ARHGAP32: variants seen among roughly 807,000 people sequenced by gnomAD.
The protein encoded by ARHGAP32 is rho GTPase-activating protein 32.
Under a neutral mutation model 186.5 loss-of-function variants are expected in ARHGAP32, and 51 were observed. The observed-to-expected ratio is 0.27, with a 90% CI of 0.22 to 0.35. ARHGAP32 has a LOEUF of 0.35. ARHGAP32 is among the 10% of genes least tolerant of loss of function. ARHGAP32 has a pLI of 1.00. For synonymous variants in ARHGAP32, 950 were observed against 964.3 expected, an observed-to-expected ratio of 0.99 and a Z score of 0.27; for missense variants, 2,186 against 2,623.5, an observed-to-expected ratio of 0.83 and a Z score of 3.64.
intron 11 of ARHGAP32, among the ~76,000 whole-genome samples, chr11:129,011,789 C>T (rs1198287901): frequency 6.6e-6 from 1 of 151,814 alleles, no homozygotes; most frequent in African/African-American, 2.4e-5. Flanking sequence ...AGGATCTCTA[C>T]CTACTGATAG....
chr11:129,033,340 T>C (rs1457680075), intron 11 of ARHGAP32, among the ~76,000 whole-genome samples: 2 of 152,222 alleles, frequency 1.3e-5, no homozygotes, highest in South Asian at 4.1e-4. Flanking sequence ...ATAATGCCAA[T>C]GATTGTCCCA....
chr11:129,173,729 C>T (rs887059544), intron 1 of ARHGAP32, among the ~76,000 whole-genome samples: 5 of 152,084 alleles, frequency 3.3e-5, no homozygotes, highest in Non-Finnish European at 7.4e-5. Context: ...AATACCTATT[C>T]ATAAATTCTT....
chr11:129,080,374 T>C (rs556562651), intron 6 of ARHGAP32, among the ~76,000 whole-genome samples: 1 of 152,050 alleles, frequency 6.6e-6, no homozygotes, highest in African/African-American at 2.4e-5. Context: ...CTCAACAAAT[T>C]AAAGAAAATC....
chr11:129,270,859 A>C (rs1247529071), intron 1 of ARHGAP32, among the ~76,000 whole-genome samples: 1 of 152,094 alleles, frequency 6.6e-6, no homozygotes, highest in Non-Finnish European at 1.5e-5. Flanking sequence ...TGGACCACAT[A>C]ATTTTTTGCT....
chr11:128,978,919 T>A lies in ARHGAP32; in HGVS notation c.1977-4A>T, dbSNP rs552225731. On this transcript the variant is annotated splice_region_variant and splice_polypyrimidine_tract_variant and intron_variant, in intron 18 of 22. Coordinates refer to ENST00000682385, the MANE Select transcript of ARHGAP32 (RefSeq NM_001378024.1). ...CATCTTATTTTGAGGCCTCTTTCTA[T>A]GAAAGAGAAAAAATAATCAACATTA... is the stretch of plus-strand genomic sequence containing the variant. 1.9e-6 allele frequency: 3 copies of A among 1,594,414 alleles called. No homozygotes were observed. The highest frequency in any genetic ancestry group is 2.3e-5 in the East Asian group (1 of 44,302).
At chr11:129,218,195 C>G (rs769668434) in intron 1 of ARHGAP32, among the ~76,000 whole-genome samples, 6 of 152,084 alleles carry the variant, frequency 3.9e-5, no homozygotes, top group Admixed American at 1.3e-4. Context: ...ATATTAAATA[C>G]GTTAAATAAT....
chr11:129,155,714 A>C (rs1192066897), intron 2 of ARHGAP32, among the ~76,000 whole-genome samples: 1 of 151,196 alleles, frequency 6.6e-6, no homozygotes, highest in East Asian at 1.9e-4. Context: ...AAAAAAAACA[A>C]ATTGGTTTAA....
chr11:129,179,304 G>A (rs1943995199), intron 1 of ARHGAP32, among the ~76,000 whole-genome samples: 1 of 152,210 alleles, frequency 6.6e-6, no homozygotes, highest in Admixed American at 6.5e-5. Flanking sequence ...ACAGGTGCTG[G>A]AGAGGATGTG....
At chr11:129,103,522 G>C (rs1456689729) in intron 5 of ARHGAP32, among the ~76,000 whole-genome samples, 1 of 151,898 alleles carries the variant, frequency 6.6e-6, no homozygotes, top group African/African-American at 2.4e-5. Flanking sequence ...CAAAATATGT[G>C]AAAACATCAG....
At chr11:129,088,468 T>A (rs1312871139) in intron 6 of ARHGAP32, among the ~76,000 whole-genome samples, 3 of 152,080 alleles carry the variant, frequency 2.0e-5, no homozygotes, top group African/African-American at 7.2e-5. Flanking sequence ...TAATCTCAGA[T>A]ACTCGGGAGG....
rs188889606 is a variant in ARHGAP32 at position 129,127,714 on chromosome 11, T to C, written c.226-2820A>G. 2.0e-3 allele frequency among the ~76,000 whole-genome samples: 299 copies of C among 152,192 alleles called. 1 individual carries two copies. The highest frequency in any genetic ancestry group is 5.2e-3 in the Admixed American group (80 of 15,288). ...TTATTCTGTTGCTCCAAACCAAAGATTAAGAAAGTTCTTTTTTAGAAAATA... is the reference window on the plus strand; with the variant it reads ...TTATTCTGTTGCTCCAAACCAAAGACTAAGAAAGTTCTTTTTTAGAAAATA... On this transcript the variant is annotated intron_variant, in intron 2 of 22. Transcript: ENST00000682385.
At chr11:128,999,468 TTTGCCTTGTGATGTTTTA>T (rs1391949483) in intron 11 of ARHGAP32, among the ~76,000 whole-genome samples, 1 of 152,158 alleles carries the variant, frequency 6.6e-6, no homozygotes, top group Non-Finnish European at 1.5e-5. Flanking sequence ...TCTGCCCCCA[TTTGCCTTGTGATGTTTTA>T]TTGCCTTGTG....
chr11:129,022,071 T>C (rs143324673), intron 11 of ARHGAP32, among the ~76,000 whole-genome samples: 1 of 152,216 alleles, frequency 6.6e-6, no homozygotes, highest in African/African-American at 2.4e-5. Context: ...GCTTAAAAGC[T>C]AGTACTATCT....
chr11:129,237,812 T>C (rs1359022185), intron 1 of ARHGAP32, among the ~76,000 whole-genome samples: 2 of 152,134 alleles, frequency 1.3e-5, no homozygotes, highest in Non-Finnish European at 2.9e-5. Flanking sequence ...AAGAGGAACA[T>C]GACTCTCCTT....
chr11:129,114,712 C>T (rs1264922640), intron 5 of ARHGAP32, among the ~76,000 whole-genome samples: 2 of 151,954 alleles, frequency 1.3e-5, no homozygotes, highest in Non-Finnish European at 2.9e-5. Context: ...TATTTCAGTC[C>T]TTCATCTATT....
chr11:129,061,044 T>C (rs1050433977), intron 10 of ARHGAP32, among the ~76,000 whole-genome samples: 8 of 152,092 alleles, frequency 5.3e-5, no homozygotes, highest in Admixed American at 5.2e-4. Flanking sequence ...ATGTTTTAAA[T>C]TGTATTATTA....
At chr11:129,130,004 C>T (rs773111285) in intron 2 of ARHGAP32, among the ~76,000 whole-genome samples, 1 of 152,102 alleles carries the variant, frequency 6.6e-6, no homozygotes, top group African/African-American at 2.4e-5. Context: ...ATTTGTATGA[C>T]ATAATATGCC....
chr11:128,969,741 C>A lies in ARHGAP32; in HGVS notation c.5472G>T (p.Lys1824Asn), dbSNP rs750227102. The A allele has an allele frequency of 6.2e-7, 1 of 1,614,186 alleles. No individual in the cohort carries two copies. Among genetic ancestry groups the A allele is most frequent in the Non-Finnish European group, 8.5e-7 (1 of 1,180,034 alleles). Residue 1824 changes from lysine to asparagine, a missense_variant, in exon 23 of 23, where the codon AAG (lysine) becomes AAT (asparagine). Coordinates refer to ENST00000682385, the MANE Select transcript of ARHGAP32 (RefSeq NM_001378024.1). The surrounding 1 kb of genome is among the most constrained non-coding windows in gnomAD (Gnocchi z 4.8). ...TGGCCTTGGCTGCATGGCGGCTCTCCTTTCCTTCTGCCACTGAGAGAAGTC... is the reference window on the plus strand; with the variant it reads ...TGGCCTTGGCTGCATGGCGGCTCTCATTTCCTTCTGCCACTGAGAGAAGTC... ...KTGLLSVAEG[K>N]ESRHAAKAIS... is the part of the protein sequence containing the mutation.
chr11:129,068,080 C>T (rs1052257973), intron 6 of ARHGAP32, among the ~76,000 whole-genome samples: 73 of 152,150 alleles, frequency 4.8e-4, no homozygotes, highest in African/African-American at 1.7e-3. Flanking sequence ...CTAAGAGATG[C>T]TAATTCACTA....
Sources: gnomAD v4.1 joint callset for allele counts (sites outside exome capture counted in the v4.1 genomes callset) on GRCh38, gnomAD v4.1.1 for gene constraint, Gnocchi (gnomAD v3.1) non-coding constraint, MANE v1.5 for transcripts, NCBI Gene and HGNC (gene_info 2026-07-23, HGNC 2026-07-21) for gene names.